DPP6: variants seen among roughly 807,000 people sequenced by gnomAD.
DPP6 encodes A-type potassium channel modulatory protein DPP6.
DPP6 carries 69 observed loss-of-function variants against 122.6 expected under a neutral mutation model. That is an observed-to-expected ratio of 0.56 (90% confidence interval 0.46 to 0.69). The LOEUF is 0.69. Among genes scored for constraint, DPP6 ranks in the 30% least tolerant of loss-of-function variants. DPP6 has a pLI of 0.00. For missense variants in DPP6, 928 were observed against 1,116.9 expected (o/e 0.83, Z 2.41); for synonymous variants, 418 against 433.1 (o/e 0.97, Z 0.43).
At chr7:154,423,795 A>G (rs1427442702) in intron 1 of DPP6, among the ~76,000 whole-genome samples, 1 of 152,222 alleles carries the variant, frequency 6.6e-6, no homozygotes, top group Non-Finnish European at 1.5e-5. Flanking sequence ...TTTCTAAATG[A>G]GTTGAGTTTT....
intron 1 of DPP6, among the ~76,000 whole-genome samples, chr7:154,396,067 C>T (rs1027639217): frequency 3.0e-4 from 45 of 151,926 alleles, no homozygotes; most frequent in African/African-American, 1.0e-3. Context: ...AGAGAATATA[C>T]TTACGAATTG....
At chr7:153,802,245 A>G in the DPP6 span, among the ~76,000 whole-genome samples, 2 of 152,180 alleles carry the variant, frequency 1.3e-5, no homozygotes, top group African/African-American at 4.8e-5. Flanking sequence ...AGGGAATAAC[A>G]ATCTGCCACA....
At chr7:154,345,093 T>C (rs771023500) in intron 1 of DPP6, among the ~76,000 whole-genome samples, 3 of 152,148 alleles carry the variant, frequency 2.0e-5, no homozygotes, top group Non-Finnish European at 2.9e-5. Context: ...ACAACAGACA[T>C]TTATTTCCTG....
chr7:153,770,528 A>G, the DPP6 span, among the ~76,000 whole-genome samples: 1 of 152,164 alleles, frequency 6.6e-6, no homozygotes, highest in Admixed American at 6.6e-5. Context: ...AAGAAAGGCC[A>G]AGGAGAAGGA....
intron 5 of DPP6, among the ~76,000 whole-genome samples, chr7:154,632,411 C>G (rs889015760): frequency 6.6e-6 from 1 of 151,980 alleles, no homozygotes; most frequent in African/African-American, 2.4e-5. Flanking sequence ...AGAAATTGGG[C>G]GCTATTTGAT....
chr7:154,648,997 T>A (rs1000459068), intron 6 of DPP6, among the ~76,000 whole-genome samples: 2 of 151,372 alleles, frequency 1.3e-5, no homozygotes, highest in African/African-American at 2.4e-5. Flanking sequence ...TGACATAAGC[T>A]CCCCACAAGC....
the DPP6 span, among the ~76,000 whole-genome samples, chr7:153,765,883 G>A: frequency 6.6e-6 from 1 of 152,170 alleles, no homozygotes; most frequent in Admixed American, 6.5e-5. Flanking sequence ...TCCCCCTGTT[G>A]CAATGCTTCT....
chr7:154,829,396 AGGAGAGAAGAGGG>A, intron 16 of DPP6, among the ~76,000 whole-genome samples: 1 of 134,928 alleles, frequency 7.4e-6, no homozygotes, highest in South Asian at 2.9e-4. Flanking sequence ...GAAAAAGGAA[AGGAGAGAAGAGGG>A]GGAGAGGAGG....
chr7:154,650,148 C>G (rs1236087701), intron 6 of DPP6, among the ~76,000 whole-genome samples: 1 of 151,966 alleles, frequency 6.6e-6, no homozygotes, highest in Non-Finnish European at 1.5e-5. Flanking sequence ...AGCAAGACAC[C>G]CATCTCTACA....
intron 5 of DPP6, among the ~76,000 whole-genome samples, chr7:154,623,101 A>G (rs759935577): frequency 1.3e-5 from 2 of 151,932 alleles, no homozygotes; most frequent in Admixed American, 6.6e-5. Flanking sequence ...AGTGGGGTCC[A>G]CTCTGTTATT....
chr7:154,302,506 C>T (rs1344411545), intron 1 of DPP6, among the ~76,000 whole-genome samples: 2 of 152,200 alleles, frequency 1.3e-5, no homozygotes, highest in Non-Finnish European at 2.9e-5. Flanking sequence ...ACTTCCCCAC[C>T]TGGAGGCTCC....
At chr7:154,078,056 G>A (rs966622500) in intron 1 of DPP6, among the ~76,000 whole-genome samples, 3 of 152,010 alleles carry the variant, frequency 2.0e-5, no homozygotes, top group Non-Finnish European at 4.4e-5. Flanking sequence ...AGATATTTCC[G>A]ACAGTGTGTC....
At chr7:154,269,764 A>G (rs535601733) in intron 1 of DPP6, among the ~76,000 whole-genome samples, 1 of 152,318 alleles carries the variant, frequency 6.6e-6, no homozygotes, top group Admixed American at 6.5e-5. Flanking sequence ...GAGTTCCCCA[A>G]AATAATGAAA....
chr7:154,241,680 A>G lies in DPP6; in HGVS notation c.243+188617A>G, dbSNP rs1453996079. 6.6e-6 allele frequency among the ~76,000 whole-genome samples: 1 copy of G among 152,216 alleles called. No homozygotes were observed. Among genetic ancestry groups the G allele is most frequent in the African/African-American group, 2.4e-5 (1 of 41,458 alleles). On this transcript the variant is annotated intron_variant, in intron 1 of 25. Coordinates refer to ENST00000377770, the MANE Select transcript of DPP6 (RefSeq NM_130797.4). The surrounding 1 kb of genome is among the most constrained non-coding windows in gnomAD (Gnocchi z 9.0). ...TTATATTACTTTCTGACTCAATATC[A>G]TACAAACCGGCACTTATCACATCTT... is the stretch of plus-strand genomic sequence containing the variant.
At position 154,803,827 on chromosome 7, in the gene DPP6, C is replaced by T. The variant is rs79768825; in HGVS notation, c.1408-37C>T. ...AAGAGCCATGCTGGGGCCGGGACACCGGTGTCTGCTCCTGATGCCATGTCT... is the reference window on the plus strand; with the variant it reads ...AAGAGCCATGCTGGGGCCGGGACACTGGTGTCTGCTCCTGATGCCATGTCT... On this transcript the variant is annotated intron_variant, in intron 13 of 25. Coordinates refer to ENST00000377770, the MANE Select transcript of DPP6 (RefSeq NM_130797.4). 15,767 of 1,601,228 alleles carry T rather than the reference C, an allele frequency of 9.8e-3. 440 individuals are homozygous for T. In the African/African-American group the frequency reaches 0.1, roughly 10 times the overall value.
chr7:154,889,864 C>T (rs567988496), intron 25 of DPP6: 28 of 313,326 alleles, frequency 8.9e-5, no homozygotes, highest in African/African-American at 2.8e-4. Flanking sequence ...GGGGCTATCC[C>T]GCTGCGGAGA....
chr7:154,334,854 C>A (rs1809264452), intron 1 of DPP6, among the ~76,000 whole-genome samples: 2 of 152,082 alleles, frequency 1.3e-5, no homozygotes, highest in East Asian at 3.9e-4. Flanking sequence ...CAAGATTGTA[C>A]CACTGCACTC....
In DPP6 at chr7:154,608,340, TA is replaced by T. The variant is rs199946649; in HGVS notation, c.628-29480del. Among the ~76,000 whole-genome samples the T allele has an allele frequency of 3.9e-3, 527 of 134,574 alleles. 13 individuals carry two copies. Among genetic ancestry groups the T allele is most frequent in the Non-Finnish European group, 5.7e-3 (360 of 63,076 alleles). 88.3% of individuals were successfully genotyped at this position (134,574 alleles called of 152,430 possible). A position where few individuals can be genotyped will look rare whatever the true frequency, so the allele number is the denominator to read the frequency against. ...GTGATCATATATATATATATATATA[TA>T]TTTTGAGATGGAATCTCGCTCTGTT... On this transcript the variant is annotated intron_variant, in intron 5 of 25. Coordinates refer to ENST00000377770, the MANE Select transcript of DPP6 (RefSeq NM_130797.4).
chr7:154,549,162 G>T lies in DPP6; in HGVS notation c.552+8536G>T, dbSNP rs375676671. ...CTGAAGCAGAAATGATGTAATAAAGGTTTATTGGAAGCCACAGGTGAGAAT... is the reference window on the plus strand; with the variant it reads ...CTGAAGCAGAAATGATGTAATAAAGTTTTATTGGAAGCCACAGGTGAGAAT... On this transcript the variant is annotated intron_variant, in intron 4 of 25. Coordinates refer to ENST00000377770, the MANE Select transcript of DPP6 (RefSeq NM_130797.4). 7.8e-4 allele frequency among the ~76,000 whole-genome samples: 119 copies of T among 152,288 alleles called. 1 individual carries two copies. In the South Asian group the frequency reaches 0.015, roughly 19 times the overall value.
Sources: gnomAD v4.1 joint callset for allele counts (sites outside exome capture counted in the v4.1 genomes callset) on GRCh38, gnomAD v4.1.1 for gene constraint, Gnocchi (gnomAD v3.1) non-coding constraint, MANE v1.5 for transcripts, NCBI Gene and HGNC (gene_info 2026-07-23, HGNC 2026-07-21) for gene names.